Variants in PPP1R9A observed in about 807,000 individuals in gnomAD.
PPP1R9A encodes the protein neurabin-1.
Under a neutral mutation model 141.9 loss-of-function variants are expected in PPP1R9A, and 59 were observed. That is an observed-to-expected ratio of 0.42 (90% CI 0.34 to 0.52). PPP1R9A has a LOEUF of 0.52. Ranked by LOEUF, PPP1R9A falls within the 20% of genes least tolerant of loss-of-function variation. PPP1R9A has a pLI of 0.10. For missense variants in PPP1R9A, 1,444 were observed against 1,611.9 expected (o/e 0.90, Z 1.78); for synonymous variants, 500 against 569.7 (o/e 0.88, Z 1.74).
chr7:95,263,000 A>G (rs1328251417), intron 12 of PPP1R9A, among the ~76,000 whole-genome samples: 1 of 152,140 alleles, frequency 6.6e-6, no homozygotes, highest in Non-Finnish European at 1.5e-5. Flanking sequence ...ACCTTAGGCC[A>G]AATTATCTGG....
chr7:95,251,935 T>C (rs1165903373), intron 11 of PPP1R9A, 24 bp from the exon 12 acceptor site: 4 of 1,607,270 alleles, frequency 2.5e-6, no homozygotes, highest in Non-Finnish European at 3.4e-6. Context: ...TTTAGAGTTT[T>C]ATAAATGGAT....
At chr7:95,167,609 TCC>T (rs1390367098) in intron 5 of PPP1R9A, among the ~76,000 whole-genome samples, 1 of 151,978 alleles carries the variant, frequency 6.6e-6, no homozygotes, top group Non-Finnish European at 1.5e-5. Flanking sequence ...TGTCAAACGG[TCC>T]CTCTTTTCAG....
chr7:95,100,637 C>T (rs1818642387), intron 2 of PPP1R9A, among the ~76,000 whole-genome samples: 2 of 151,982 alleles, frequency 1.3e-5, no homozygotes, highest in Admixed American at 1.3e-4. Context: ...TGATGGATGC[C>T]ACTATAAGCA....
At chr7:95,285,780 GGA>G (rs1345503046) in intron 17 of PPP1R9A, among the ~76,000 whole-genome samples, 2 of 152,196 alleles carry the variant, frequency 1.3e-5, no homozygotes, top group Non-Finnish European at 2.9e-5. Context: ...ATCCTTCCCA[GGA>G]GGTGCTCTAG....
At chr7:95,161,365 G>A (rs1830441911) in intron 4 of PPP1R9A, among the ~76,000 whole-genome samples, 1 of 152,030 alleles carries the variant, frequency 6.6e-6, no homozygotes, top group African/African-American at 2.4e-5. Flanking sequence ...AGTTTTTAAT[G>A]GAAATAGTCT....
intron 5 of PPP1R9A, among the ~76,000 whole-genome samples, chr7:95,174,780 T>C (rs10233060): frequency 0.14 from 21,603 of 152,128 alleles, 1,759 homozygotes; most frequent in African/African-American, 0.21. Flanking sequence ...AATTTTTTTA[T>C]CAAACATGAA....
chr7:94,943,574 A>G (rs1010970662), intron 2 of PPP1R9A, among the ~76,000 whole-genome samples: 1 of 152,022 alleles, frequency 6.6e-6, no homozygotes, highest in Non-Finnish European at 1.5e-5. Context: ...GGCAAATTTT[A>G]TAGCTGTCTA....
At position 95,269,235 on chromosome 7, in the gene PPP1R9A, A is replaced by G. The variant is rs1801777732; in HGVS notation, c.2852A>G (p.His951Arg). ...KPSNSFYNHMHITKLLPPKGL... is the reference protein window; with the variant it reads ...KPSNSFYNHMRITKLLPPKGL... ...TCAAACAGTTTCTATAACCACATGC[A>G]TATTACCAAATTACTTCCACCTAAG... The change falls in exon 14 of 20, where the codon CAT (histidine) becomes CGT (arginine). Residue 951 changes from histidine to arginine, a missense_variant. Physicochemically the swap from His to Arg is conservative, Grantham distance 29. Coordinates refer to ENST00000433360, the MANE Select transcript of PPP1R9A (RefSeq NM_001166160.2). The G allele has an allele frequency of 6.4e-7, 1 of 1,552,592 alleles. No individual in the cohort carries two copies. Among genetic ancestry groups the G allele is most frequent in the Non-Finnish European group, 8.8e-7 (1 of 1,138,126 alleles).
chr7:94,962,145 G>T (rs1797710222), intron 2 of PPP1R9A, among the ~76,000 whole-genome samples: 1 of 151,798 alleles, frequency 6.6e-6, no homozygotes, highest in Admixed American at 6.6e-5. Context: ...TATAGAATGA[G>T]ACTTTAAAAA....
At chr7:95,009,892 G>A (rs1020781750) in intron 2 of PPP1R9A, among the ~76,000 whole-genome samples, 7 of 152,074 alleles carry the variant, frequency 4.6e-5, no homozygotes, top group Admixed American at 2.6e-4. Flanking sequence ...TAGTTCCTCA[G>A]GTTTTGTAGG....
chr7:95,142,809 G>A (rs1826941929), intron 4 of PPP1R9A, among the ~76,000 whole-genome samples: 1 of 152,048 alleles, frequency 6.6e-6, no homozygotes, highest in Admixed American at 6.6e-5. Flanking sequence ...CTAAACCAGT[G>A]AAGTTTGTTG....
chr7:95,181,440 T>C (rs1833774792), intron 5 of PPP1R9A, among the ~76,000 whole-genome samples: 1 of 130,694 alleles, frequency 7.7e-6, no homozygotes, highest in Non-Finnish European at 1.5e-5. Context: ...ATATATATAT[T>C]CCATCATATA....
intron 2 of PPP1R9A, among the ~76,000 whole-genome samples, chr7:95,092,389 T>G (rs1817480816): frequency 6.6e-6 from 1 of 151,380 alleles, no homozygotes; most frequent in Admixed American, 6.6e-5. Flanking sequence ...CTGTGTTGCA[T>G]TTTTATGCCA....
At chr7:94,941,610 ATT>A (rs148082494) in intron 2 of PPP1R9A, among the ~76,000 whole-genome samples, 2 of 145,106 alleles carry the variant, frequency 1.4e-5, no homozygotes, top group African/African-American at 2.5e-5. Context: ...ATCAGCAACT[ATT>A]TTTTTTTTTT....
At chr7:95,015,130 G>C (rs934493927) in intron 2 of PPP1R9A, among the ~76,000 whole-genome samples, 3 of 151,618 alleles carry the variant, frequency 2.0e-5, no homozygotes, top group African/African-American at 7.3e-5. Context: ...CCAGGACCTG[G>C]GCACTTCATG....
intron 7 of PPP1R9A, among the ~76,000 whole-genome samples, chr7:95,204,956 G>A (rs565819748): frequency 2.3e-4 from 25 of 108,638 alleles, no homozygotes; most frequent in South Asian, 3.4e-4. Context: ...CACACGACAC[G>A]CACACACCAC....
chr7:95,023,919 C>T (rs1806405580), intron 2 of PPP1R9A, among the ~76,000 whole-genome samples: 1 of 152,152 alleles, frequency 6.6e-6, no homozygotes. Flanking sequence ...CTCTTGTGGG[C>T]ATTTAGTGCT....
chr7:95,290,818 A>C lies in PPP1R9A; in HGVS notation c.*515A>C, dbSNP rs906230497. On this transcript the variant is annotated 3_prime_UTR_variant, in exon 20 of 20. Coordinates refer to ENST00000433360, the MANE Select transcript of PPP1R9A (RefSeq NM_001166160.2). ...TGGGAAAGATTTGCTCTTAATTCTC[A>C]GTCTGGACAGTGAGACCACCCCGCT... The C allele has an allele frequency of 6.3e-6, 1 of 157,710 alleles. No individual in the cohort carries two copies. The highest frequency in any genetic ancestry group is 2.4e-5 in the African/African-American group (1 of 41,512). The allele number at this position is 157,710 out of a possible 1,614,324, so 9.8% of individuals were successfully genotyped here. A position where few individuals can be genotyped will look rare whatever the true frequency, so the allele number is the denominator to read the frequency against.
intron 2 of PPP1R9A, among the ~76,000 whole-genome samples, chr7:95,024,410 A>G (rs546859777): frequency 6.6e-6 from 1 of 152,236 alleles, no homozygotes; most frequent in African/African-American, 2.4e-5. Flanking sequence ...GTGGGAGTCT[A>G]AATCTCTTTG....
Sources: allele counts gnomAD v4.1 joint callset (sites outside exome capture counted in the v4.1 genomes callset), GRCh38; gene constraint gnomAD v4.1.1; transcripts MANE v1.5; gene names NCBI Gene and HGNC (gene_info 2026-07-23, HGNC 2026-07-21).